CDYL2: variants seen among roughly 807,000 people sequenced by gnomAD.
CDYL2 encodes the protein chromodomain Y-like protein 2.
In CDYL2, 23 loss-of-function variants were observed where a neutral mutation model predicts 49.4. The observed-to-expected ratio is 0.47, with a 90% confidence interval of 0.34 to 0.66. The LOEUF (loss-of-function observed/expected upper bound fraction) is 0.66, where lower values mean the gene tolerates loss of function less well. Among genes scored for constraint, CDYL2 ranks in the 30% least tolerant of loss-of-function variants. The pLI is 0.01. For synonymous variants in CDYL2, 360 were observed against 268.8 expected (o/e 1.34, Z -3.32); for missense variants, 678 against 656.4 (o/e 1.03, Z -0.36).
At chr16:80,782,637 G>C (rs1169288496) in intron 1 of CDYL2, among the ~76,000 whole-genome samples, 1 of 150,942 alleles carries the variant, frequency 6.6e-6, no homozygotes, top group Non-Finnish European at 1.5e-5. Context: ...ATGTTAAAAG[G>C]ATCACACACC....
rs932903049 is a variant in CDYL2, at chr16:80,602,839, T to C, written c.*1549A>G. The C allele has an allele frequency of 1.3e-5, 2 of 152,198 alleles. No individual in the cohort carries two copies. The highest frequency in any genetic ancestry group is 4.8e-5 in the African/African-American group (2 of 41,438). 9.4% of individuals were successfully genotyped at this position (152,198 alleles called of 1,614,324 possible). ...ATCTGAGAATCTAGCTTTTTCTGGG[T>C]GCTTGACCCATGGTTTAAACCTCAC... On this transcript the variant is annotated 3_prime_UTR_variant, in exon 7 of 7. Transcript: ENST00000570137.
chr16:80,698,179 T>C (rs1904283713), intron 1 of CDYL2, among the ~76,000 whole-genome samples: 1 of 152,164 alleles, frequency 6.6e-6, no homozygotes, highest in African/African-American at 2.4e-5. Context: ...AACAGTATAG[T>C]ACTGGCATAA....
chr16:80,690,930 G>C (rs1476960615), intron 1 of CDYL2, among the ~76,000 whole-genome samples: 1 of 152,082 alleles, frequency 6.6e-6, no homozygotes. Flanking sequence ...AATTGCTCTG[G>C]AACCCAGGAT....
chr16:80,622,195 C>G (rs933865075), intron 3 of CDYL2, among the ~76,000 whole-genome samples: 4 of 152,194 alleles, frequency 2.6e-5, no homozygotes, highest in Admixed American at 6.5e-5. Context: ...CCCCAGAGCA[C>G]GCAGCCAGCC....
At chr16:80,685,936 C>T (rs1910171476) in intron 1 of CDYL2, among the ~76,000 whole-genome samples, 1 of 152,188 alleles carries the variant, frequency 6.6e-6, no homozygotes, top group African/African-American at 2.4e-5. Context: ...ACACAGCTCC[C>T]CCAGCTGCAA....
intron 1 of CDYL2, among the ~76,000 whole-genome samples, chr16:80,760,942 C>T (rs539253839): frequency 1.1e-4 from 16 of 152,064 alleles, no homozygotes; most frequent in African/African-American, 2.7e-4. Context: ...GGATTTAATG[C>T]GCAAAGGTGA....
chr16:80,741,113 A>C (rs1298241668), intron 1 of CDYL2, among the ~76,000 whole-genome samples: 1 of 150,896 alleles, frequency 6.6e-6, no homozygotes, highest in Non-Finnish European at 1.5e-5. Flanking sequence ...AAGTAAGCAT[A>C]GACAAAAAAC....
At chr16:80,614,116 C>T (rs1165204568) in intron 4 of CDYL2, among the ~76,000 whole-genome samples, 1 of 152,246 alleles carries the variant, frequency 6.6e-6, no homozygotes, top group Non-Finnish European at 1.5e-5. Flanking sequence ...GGAATTAGCA[C>T]TCAGTAAACA....
At chr16:80,800,818 C>A (rs114883049) in intron 1 of CDYL2, among the ~76,000 whole-genome samples, 70 of 152,314 alleles carry the variant, frequency 4.6e-4, no homozygotes, top group African/African-American at 1.7e-3. Context: ...CAGAGAGAGA[C>A]AAGAAAACTG....
intron 6 of CDYL2, among the ~76,000 whole-genome samples, chr16:80,604,791 T>C (rs1460266918): frequency 6.6e-6 from 1 of 152,200 alleles, no homozygotes; most frequent in Admixed American, 6.5e-5. Context: ...CCCAGACCAC[T>C]AGAGGCTTGC....
chr16:80,689,607 A>G (rs1283055552), intron 1 of CDYL2, among the ~76,000 whole-genome samples: 1 of 152,204 alleles, frequency 6.6e-6, no homozygotes, highest in Non-Finnish European at 1.5e-5. Flanking sequence ...GGGCAGGGCC[A>G]AGCAAAGCAT....
chr16:80,654,157 T>C (rs574618480), intron 2 of CDYL2, among the ~76,000 whole-genome samples: 1 of 152,322 alleles, frequency 6.6e-6, no homozygotes, highest in South Asian at 2.1e-4. Context: ...AGACAGGCAC[T>C]GACCATGTGC....
intron 1 of CDYL2, among the ~76,000 whole-genome samples, chr16:80,726,815 T>C (rs1026838825): frequency 6.6e-6 from 1 of 151,374 alleles, no homozygotes; most frequent in African/African-American, 2.4e-5. Context: ...CAGCTAAGCA[T>C]GGTGGCTCAT....
chr16:80,696,996 A>C (rs1288668099), intron 1 of CDYL2, among the ~76,000 whole-genome samples: 2 of 151,926 alleles, frequency 1.3e-5, no homozygotes, highest in Admixed American at 6.5e-5. Context: ...CAACATAGTG[A>C]TATTTTGTTT....
intron 2 of CDYL2, among the ~76,000 whole-genome samples, chr16:80,678,785 T>A (rs1909857176): frequency 6.6e-6 from 1 of 151,128 alleles, no homozygotes; most frequent in Admixed American, 6.6e-5. Flanking sequence ...GGACTATAAA[T>A]CATGCTGCTA....
chr16:80,605,026 A>T (rs946952986), intron 6 of CDYL2, among the ~76,000 whole-genome samples: 5 of 152,210 alleles, frequency 3.3e-5, no homozygotes, highest in Non-Finnish European at 5.9e-5. Context: ...GTTAGTAATC[A>T]TGGTAGTAAC....
intron 1 of CDYL2, among the ~76,000 whole-genome samples, chr16:80,691,997 G>A (rs1350497813): frequency 6.6e-6 from 1 of 152,022 alleles, no homozygotes; most frequent in African/African-American, 2.4e-5. Flanking sequence ...GTCCAAGAGA[G>A]CAGGAAAAAA....
At chr16:80,647,109 T>C (rs1908384268) in intron 2 of CDYL2, among the ~76,000 whole-genome samples, 3 of 152,098 alleles carry the variant, frequency 2.0e-5, no homozygotes, top group Admixed American at 1.3e-4. Context: ...CCATTTACAA[T>C]AGCCACAAAT....
intron 3 of CDYL2, among the ~76,000 whole-genome samples, chr16:80,630,649 G>A (rs1006991252): frequency 3.3e-5 from 5 of 152,072 alleles, no homozygotes; most frequent in African/African-American, 9.7e-5. Context: ...TACAGGCGGA[G>A]GATGGAGAGG....
Sources: allele counts gnomAD v4.1 joint callset (sites outside exome capture counted in the v4.1 genomes callset), GRCh38; gene constraint gnomAD v4.1.1; transcripts MANE v1.5; gene names NCBI Gene and HGNC (gene_info 2026-07-23, HGNC 2026-07-21).